Variants in KLRF1 observed in about 807,000 individuals in gnomAD.
The protein encoded by KLRF1 is killer cell lectin-like receptor subfamily F member 1.
A neutral mutation model predicts 30.7 loss-of-function variants in KLRF1; 27 were observed. The ratio of observed to expected loss-of-function variants is 0.88; its 90% CI spans 0.65 to 1.21. The LOEUF (loss-of-function observed/expected upper bound fraction) is 1.21. Among genes scored for constraint, KLRF1 ranks in the 50% most tolerant of loss-of-function variants. KLRF1 has a pLI of 0.00. For missense variants in KLRF1, 246 were observed against 259.3 expected, an observed-to-expected ratio of 0.95 and a Z score of 0.35; for synonymous variants, 92 against 89.3, an observed-to-expected ratio of 1.03 and a Z score of -0.17.
At position 9,841,969 on chromosome 12, in the gene KLRF1, A is replaced by C; in HGVS notation, c.474+18A>C. On this transcript the variant is annotated intron_variant, in intron 4 of 5. Coordinates refer to ENST00000617889, the MANE Select transcript of KLRF1 (RefSeq NM_016523.3). ...TTGAAATGGTAATTGGTCTAGTATC[A>C]GGGTTATGGCATCTTTGCAGTAAAA... 3.1e-6 allele frequency: 5 copies of C among 1,596,178 alleles called. No homozygotes were observed. Among genetic ancestry groups the C allele is most frequent in the Non-Finnish European group, 3.4e-6 (4 of 1,172,894 alleles).
In KLRF1 at chr12:9,833,312, G is replaced by C. The variant is rs1242876951; in HGVS notation, c.194G>C (p.Gly65Ala). ...TAGTCCTGTATTCAAGTTTCTCAGG[G>C]AGTATTGCTAAAATGCCAAAAAGGA... ...LISLILLVSQ[G>A]VLLKCQKGSC... The change falls in exon 3 of 6, where the codon GGA (glycine) becomes GCA (alanine). Residue 65 changes from glycine (G) to alanine (A), a missense_variant. Physicochemically the swap from Gly to Ala is moderately conservative, Grantham distance 60 (BLOSUM62 0). Coordinates refer to ENST00000617889, the MANE Select transcript of KLRF1 (RefSeq NM_016523.3). 6.3e-7 allele frequency: 1 copy of C among 1,596,758 alleles called. No individual in the cohort carries two copies. The highest frequency in any genetic ancestry group is 1.7e-4 in the Middle Eastern group (1 of 5,994).
chr12:9,838,349 G>C (rs1030966050), intron 3 of KLRF1, among the ~76,000 whole-genome samples: 2 of 151,896 alleles, frequency 1.3e-5, no homozygotes, highest in Non-Finnish European at 2.9e-5. Flanking sequence ...TGATTTTTCT[G>C]GGGGGGTGAA....
chr12:9,818,773 T>A, the KLRF1 span, among the ~76,000 whole-genome samples: 1 of 152,188 alleles, frequency 6.6e-6, no homozygotes, highest in South Asian at 2.1e-4. Context: ...GCCAAAAAAA[T>A]TGTCAGTATT....
At position 9,833,331 on chromosome 12, in the gene KLRF1, A is replaced by G. The variant is rs377297460; in HGVS notation, c.213A>G (p.Gln71=). ...LVSQGVLLKC[Q]KGSCSNATQY... ...CTCAGGGAGTATTGCTAAAATGCCAAAAAGGAAGTTGTTCAAATGCCACTC... is the reference window on the plus strand; with the variant it reads ...CTCAGGGAGTATTGCTAAAATGCCAGAAAGGAAGTTGTTCAAATGCCACTC... The change falls in exon 3 of 6, where the codon CAA becomes CAG. Residue 71 remains glutamine (Q), a synonymous_variant. Coordinates refer to ENST00000617889, the MANE Select transcript of KLRF1 (RefSeq NM_016523.3). 94 of 1,605,074 alleles carry G rather than the reference A, an allele frequency of 5.9e-5. 1 individual carries two copies. In the African/African-American group the frequency reaches 1.1e-3, roughly 18 times the overall value.
chr12:9,814,948 G>A, the KLRF1 span, among the ~76,000 whole-genome samples: 1 of 152,102 alleles, frequency 6.6e-6, no homozygotes, highest in African/African-American at 2.4e-5. Context: ...TATAGTTAAC[G>A]ACGATGTATT....
chr12:9,819,227 A>G, the KLRF1 span, among the ~76,000 whole-genome samples: 7 of 152,268 alleles, frequency 4.6e-5, no homozygotes, highest in African/African-American at 1.4e-4. Flanking sequence ...AGGGCTTCCC[A>G]GCAAAAGTGG....
the KLRF1 span, among the ~76,000 whole-genome samples, chr12:9,818,893 C>A: frequency 1.3e-5 from 2 of 152,156 alleles, no homozygotes. Flanking sequence ...AAATACAGCA[C>A]CTTCAACTGA....
the KLRF1 span, among the ~76,000 whole-genome samples, chr12:9,815,601 A>G: frequency 1.7e-4 from 26 of 152,208 alleles, no homozygotes; most frequent in Admixed American, 1.2e-3. Flanking sequence ...GTGTGGATCA[A>G]GCAATGACCT....
the KLRF1 span, among the ~76,000 whole-genome samples, chr12:9,814,040 C>A: frequency 6.6e-6 from 1 of 152,144 alleles, no homozygotes; most frequent in African/African-American, 2.4e-5. Context: ...CCGCAGACAT[C>A]CTTCACTTCC....
intron 3 of KLRF1, among the ~76,000 whole-genome samples, chr12:9,835,011 G>C (rs183695067): frequency 2.0e-5 from 3 of 152,078 alleles, no homozygotes; most frequent in African/African-American, 7.2e-5. Context: ...GGAAGGTCGT[G>C]ACAGAGGTTG....
the KLRF1 span, among the ~76,000 whole-genome samples, chr12:9,800,345 A>AT: frequency 4.0e-4 from 61 of 152,140 alleles, no homozygotes; most frequent in African/African-American, 1.4e-3. Flanking sequence ...AGTACAAGTG[A>AT]TTTTTGGTCA....
chr12:9,804,959 G>C, the KLRF1 span, among the ~76,000 whole-genome samples: 1 of 151,944 alleles, frequency 6.6e-6, no homozygotes, highest in Non-Finnish European at 1.5e-5. Flanking sequence ...GCATTTCTGA[G>C]ATACATTCTA....
the KLRF1 span, among the ~76,000 whole-genome samples, chr12:9,802,436 A>G: frequency 1.3e-5 from 2 of 152,164 alleles, no homozygotes; most frequent in South Asian, 2.1e-4. Context: ...CAAGACAAGT[A>G]TTTCCTCTCT....
the KLRF1 span, chr12:9,817,919 G>A: frequency 5.0e-6 from 1 of 200,850 alleles, no homozygotes; most frequent in East Asian, 1.4e-4. Flanking sequence ...CTGGCAGACA[G>A]CAGCCTCATC....
chr12:9,833,682 A>G (rs954560688), intron 3 of KLRF1, among the ~76,000 whole-genome samples: 11 of 152,178 alleles, frequency 7.2e-5, no homozygotes, highest in Admixed American at 2.0e-4. Context: ...AATCCAGTTG[A>G]TACATATAAA....
chr12:9,838,485 ATG>A (rs149094028), intron 3 of KLRF1, among the ~76,000 whole-genome samples: 2,282 of 152,192 alleles, frequency 0.015, 51 homozygotes, highest in African/African-American at 0.052. Flanking sequence ...CATCCTTGAA[ATG>A]GACCTTCTCA....
the KLRF1 span, among the ~76,000 whole-genome samples, chr12:9,802,340 A>G: frequency 1.3e-5 from 2 of 152,058 alleles, no homozygotes; most frequent in African/African-American, 4.8e-5. Context: ...TGTGTCTCAA[A>G]ATAATAAGAG....
intron 1 of KLRF1, among the ~76,000 whole-genome samples, chr12:9,829,878 C>CT (rs1445957180): frequency 1.3e-5 from 2 of 152,196 alleles, no homozygotes; most frequent in Non-Finnish European, 2.9e-5. Context: ...CCAGTGTTTA[C>CT]TTAGCTATTC....
At chr12:9,832,274 A>C (rs1867445818) in intron 1 of KLRF1, 42 bp from the exon 2 acceptor site, 1 of 1,079,682 alleles carries the variant, frequency 9.3e-7, no homozygotes, top group Admixed American at 1.8e-5. Flanking sequence ...TACTTCCTGG[A>C]AGCATACTTT....
Sources: gnomAD v4.1 joint callset for allele counts (sites outside exome capture counted in the v4.1 genomes callset) on GRCh38, gnomAD v4.1.1 for gene constraint, MANE v1.5 for transcripts, NCBI Gene and HGNC (gene_info 2026-07-23, HGNC 2026-07-21) for gene names.